Variants in N4BP2L2 observed in about 807,000 individuals in gnomAD.
N4BP2L2 encodes the protein NEDD4-binding protein 2-like 2.
N4BP2L2 carries 50 observed loss-of-function variants against 56.2 expected under a neutral mutation model. The observed-to-expected ratio is 0.89, with a 90% CI of 0.71 to 1.13. The LOEUF (loss-of-function observed/expected upper bound fraction) is 1.13. N4BP2L2 is among the 50% of genes most tolerant of loss of function. The pLI, the probability that N4BP2L2 is intolerant of heterozygous loss-of-function variation, is 0.00. For synonymous variants in N4BP2L2, 203 were observed against 223.6 expected (o/e 0.91, Z 0.82); for missense variants, 689 against 693.8 (o/e 0.99, Z 0.08).
chr13:32,536,858 A>AT lies in N4BP2L2; in HGVS notation c.169_170insA (p.Val57AspfsTer5). On this transcript the variant is annotated frameshift_variant, in exon 2 of 6. Coordinates refer to ENST00000267068, the Ensembl canonical transcript of N4BP2L2. LOFTEE classifies it high-confidence loss of function. ...ATGTCCTCTGACATCAATGATGGTC[A>AT]CAGGGACCCAATCATTTCCAGTTTT... 6.2e-7 allele frequency: 1 copy of AT among 1,614,094 alleles called. No individual in the cohort carries two copies. The highest frequency in any genetic ancestry group is 8.5e-7 in the Non-Finnish European group (1 of 1,179,996).
At chr13:32,473,459 C>T (rs1454834313) in intron 6 of N4BP2L2, among the ~76,000 whole-genome samples, 1 of 152,050 alleles carries the variant, frequency 6.6e-6, no homozygotes, top group Non-Finnish European at 1.5e-5. Context: ...CTATAAAAAA[C>T]AGTGTATTCA....
At chr13:32,521,774 G>C (rs1267977729) in intron 4 of N4BP2L2, 1 of 266,036 alleles carries the variant, frequency 3.8e-6, no homozygotes, top group Non-Finnish European at 7.0e-6. Context: ...TCAGGAGTTC[G>C]AGACCAGCCT....
intron 6 of N4BP2L2, among the ~76,000 whole-genome samples, chr13:32,460,659 C>T (rs1244448995): frequency 6.6e-6 from 1 of 151,946 alleles, no homozygotes; most frequent in Admixed American, 6.6e-5. Flanking sequence ...ACATACTACC[C>T]AAAGCAACCT....
chr13:32,501,357 T>C (rs972409525), intron 6 of N4BP2L2, among the ~76,000 whole-genome samples: 1 of 151,998 alleles, frequency 6.6e-6, no homozygotes, highest in Non-Finnish European at 1.5e-5. Context: ...AAGGGGAAAA[T>C]GTCTCCATGA....
At chr13:32,537,080 TA>T in intron 1 of N4BP2L2, 53 bp from the exon 2 acceptor site, 1 of 1,214,250 alleles carries the variant, frequency 8.2e-7, no homozygotes, top group Non-Finnish European at 1.1e-6. Flanking sequence ...AAAATCTAAA[TA>T]AAATTTTCTT....
intron 9 of N4BP2L2, among the ~76,000 whole-genome samples, chr13:32,433,140 G>C (rs987040539): frequency 6.6e-6 from 1 of 152,226 alleles, no homozygotes; most frequent in African/African-American, 2.4e-5. Context: ...TCAAGAGCCT[G>C]TTCCCTGACA....
At chr13:32,468,085 TGA>T (rs1390651024) in intron 6 of N4BP2L2, among the ~76,000 whole-genome samples, 1 of 152,054 alleles carries the variant, frequency 6.6e-6, no homozygotes, top group South Asian at 2.1e-4. Flanking sequence ...AAACAGGCAA[TGA>T]GAGATATGCA....
chr13:32,523,390 C>CAA (rs35751545), intron 3 of N4BP2L2: 11,095 of 128,238 alleles, frequency 0.087, 590 homozygotes, highest in Non-Finnish European at 0.12. Flanking sequence ...GACTCTGTCT[C>CAA]AAAAAAAAAA....
At chr13:32,484,641 C>T (rs117232604) in intron 6 of N4BP2L2, among the ~76,000 whole-genome samples, 4,022 of 152,138 alleles carry the variant, frequency 0.026, 76 homozygotes, top group Non-Finnish European at 0.04. Flanking sequence ...AGCGCCACCA[C>T]GCCCAGCTAA....
chr13:32,506,695 A>C (rs758994648), downstream of N4BP2L2: 2 of 152,252 alleles, frequency 1.3e-5, no homozygotes, highest in Non-Finnish European at 2.9e-5. Flanking sequence ...GGGTATGTGT[A>C]CATAGAATTT....
chr13:32,492,855 CTCA>C (rs1243349860), intron 6 of N4BP2L2, among the ~76,000 whole-genome samples: 15 of 149,972 alleles, frequency 1.0e-4, no homozygotes, highest in Non-Finnish European at 1.8e-4. Context: ...AACTTTAAAG[CTCA>C]TCATTTATAC....
At chr13:32,435,847 C>T (rs1330838849) in intron 9 of N4BP2L2, among the ~76,000 whole-genome samples, 4 of 152,096 alleles carry the variant, frequency 2.6e-5, no homozygotes, top group African/African-American at 9.7e-5. Flanking sequence ...CAAATGCAGA[C>T]ATATATGCAC....
At chr13:32,521,500 G>A (rs1235902782) in intron 4 of N4BP2L2, 51 bp from the exon 5 acceptor site, 1 of 1,259,570 alleles carries the variant, frequency 7.9e-7, no homozygotes, top group Non-Finnish European at 1.1e-6. Context: ...ACTTCTTAAA[G>A]TAAAAAGAAG....
At chr13:32,537,657 G>C (rs946528425) in intron 1 of N4BP2L2, among the ~76,000 whole-genome samples, 4 of 152,140 alleles carry the variant, frequency 2.6e-5, no homozygotes, top group Admixed American at 6.5e-5. Flanking sequence ...CATTTAAAAG[G>C]GGGGAAGAGA....
intron 6 of N4BP2L2, among the ~76,000 whole-genome samples, chr13:32,448,526 G>A (rs60062930): frequency 0.057 from 8,700 of 152,158 alleles, 842 homozygotes; most frequent in African/African-American, 0.2. Flanking sequence ...TCTAGATGAT[G>A]GCTTAGAATC....
exon 2 of N4BP2L2, chr13:32,536,355 T>C (rs1336455164): frequency 2.5e-6 from 4 of 1,614,096 alleles, no homozygotes. Context: ...GCTTTATTAC[T>C]AAGATCTTTC....
At chr13:32,528,797 T>C (rs552096049) in intron 2 of N4BP2L2, among the ~76,000 whole-genome samples, 133 of 152,226 alleles carry the variant, frequency 8.7e-4, no homozygotes, top group Non-Finnish European at 1.0e-3. Context: ...ACTAAAAAAA[T>C]AGTAGGAAGG....
intron 6 of N4BP2L2, among the ~76,000 whole-genome samples, chr13:32,466,602 G>GT (rs1466266144): frequency 1.3e-5 from 2 of 152,024 alleles, no homozygotes; most frequent in Non-Finnish European, 1.5e-5. Flanking sequence ...TGAGTTTATA[G>GT]TAAGTTCAAA....
At chr13:32,438,690 G>A in exon 8 of N4BP2L2, 1 of 1,610,878 alleles carries the variant, frequency 6.2e-7, no homozygotes, top group Non-Finnish European at 8.5e-7. Context: ...ATCATCTTTA[G>A]TGTCTTCCAG....
Sources: allele counts gnomAD v4.1 joint callset (sites outside exome capture counted in the v4.1 genomes callset), GRCh38; gene constraint gnomAD v4.1.1; transcripts MANE v1.5; gene names NCBI Gene and HGNC (gene_info 2026-07-23, HGNC 2026-07-21).